Variants in TRPC3 observed in about 807,000 individuals in gnomAD.
The protein encoded by TRPC3 is transient receptor potential cation channel subfamily C member 3.
TRPC3 carries 54 observed loss-of-function variants against 90.9 expected under a neutral mutation model. The observed-to-expected ratio is 0.59, with a 90% CI of 0.48 to 0.75. TRPC3 has a LOEUF of 0.75. Among genes scored for constraint, TRPC3 ranks in the 30% least tolerant of loss-of-function variants. TRPC3 has a pLI of 0.00. For synonymous variants in TRPC3, 424 were observed against 450.9 expected (o/e 0.94, Z 0.75); for missense variants, 918 against 1,194.5 (o/e 0.77, Z 3.41).
chr4:121,936,400 G>A (rs965431139), intron 1 of TRPC3, among the ~76,000 whole-genome samples: 75 of 152,190 alleles, frequency 4.9e-4, no homozygotes, highest in African/African-American at 1.7e-3. Flanking sequence ...TCATCCAATG[G>A]GTCATTCAAC....
chr4:121,907,774 T>C (rs1057217787), intron 6 of TRPC3, among the ~76,000 whole-genome samples: 2 of 152,096 alleles, frequency 1.3e-5, no homozygotes, highest in Admixed American at 1.3e-4. Context: ...GAGGGTACAC[T>C]ATTATAAAGA....
chr4:121,940,138 A>G (rs1730258031), intron 1 of TRPC3, among the ~76,000 whole-genome samples: 1 of 152,154 alleles, frequency 6.6e-6, no homozygotes, highest in Admixed American at 6.5e-5. Context: ...TCAGAAAGCA[A>G]AAGCCCCTTC....
chr4:121,915,314 A>G (rs1729270746), intron 3 of TRPC3, among the ~76,000 whole-genome samples: 1 of 152,244 alleles, frequency 6.6e-6, no homozygotes, highest in South Asian at 2.1e-4. Flanking sequence ...CATTCAGTTC[A>G]AAATGGAAAA....
chr4:121,882,477 G>A, intron 10 of TRPC3, 48 bp from the exon 11 acceptor site: 2 of 1,548,766 alleles, frequency 1.3e-6, no homozygotes, highest in Non-Finnish European at 1.8e-6. Flanking sequence ...ATACATAAGT[G>A]CCCCAATCCT....
intron 10 of TRPC3, among the ~76,000 whole-genome samples, chr4:121,890,704 T>C (rs970284002): frequency 2.0e-5 from 3 of 152,228 alleles, no homozygotes; most frequent in African/African-American, 7.2e-5. Context: ...TGAAAGGCCA[T>C]AGTGTGGCCA....
At chr4:121,933,248 G>C in intron 1 of TRPC3, 1 of 1,094,482 alleles carries the variant, frequency 9.1e-7, no homozygotes. Context: ...CCAGAAGGAA[G>C]CCGGCAGCCC....
At chr4:121,938,020 A>T (rs1017588258) in intron 1 of TRPC3, among the ~76,000 whole-genome samples, 9 of 126,400 alleles carry the variant, frequency 7.1e-5, no homozygotes, top group East Asian at 6.0e-4. Flanking sequence ...GAATTTATTT[A>T]AAAAAAAAAA....
At chr4:121,936,930 A>G (rs1351909580) in intron 1 of TRPC3, among the ~76,000 whole-genome samples, 1 of 152,090 alleles carries the variant, frequency 6.6e-6, no homozygotes, top group Non-Finnish European at 1.5e-5. Context: ...AAGGCAAAAC[A>G]TTTTTTTCAT....
chr4:121,899,821 T>G, intron 9 of TRPC3, 126 bp from the exon 10 acceptor site: 1 of 730,422 alleles, frequency 1.4e-6, no homozygotes, highest in Middle Eastern at 3.7e-4. Flanking sequence ...TTGTGGAAGT[T>G]GAGCTTTGTA....
chr4:121,917,768 C>G (rs142240171), intron 3 of TRPC3, among the ~76,000 whole-genome samples: 1 of 152,318 alleles, frequency 6.6e-6, no homozygotes, highest in East Asian at 1.9e-4. Flanking sequence ...TGGCTGCAGC[C>G]AGGCTAAGCT....
chr4:121,906,039 G>A (rs997760399), intron 7 of TRPC3, among the ~76,000 whole-genome samples: 1 of 152,086 alleles, frequency 6.6e-6, no homozygotes, highest in Non-Finnish European at 1.5e-5. Flanking sequence ...GCATGTGTGG[G>A]AAGAGGGGGA....
chr4:121,895,408 T>TA (rs1002785128), intron 10 of TRPC3, among the ~76,000 whole-genome samples: 6 of 151,868 alleles, frequency 4.0e-5, no homozygotes, highest in African/African-American at 1.2e-4. Context: ...AAGTTTTTTT[T>TA]AAAAAGATAA....
At chr4:121,918,784 A>G (rs1393839136) in intron 3 of TRPC3, among the ~76,000 whole-genome samples, 1 of 152,242 alleles carries the variant, frequency 6.6e-6, no homozygotes, top group Non-Finnish European at 1.5e-5. Context: ...TCCTAATGCA[A>G]GTACACAAGG....
In TRPC3 at chr4:121,932,397, C is replaced by T; in HGVS notation, c.861G>A (p.Arg287=). The part of the protein sequence containing the change: ...RHDSFSHSRS[R]INAYKGLASP... ...TGGCCAGCCCCTTGTAGGCATTGAT[C>T]CTCGAGCGTGAGTGGCTGAAGGAGT... The change falls in exon 2 of 12, where the codon AGG becomes AGA. Residue 287 remains arginine (R), a synonymous_variant. Coordinates refer to ENST00000379645, the MANE Select transcript of TRPC3 (RefSeq NM_001130698.2). This position sits in a 1 kb window ranked among gnomAD's most constrained non-coding sequence, Gnocchi z 7.7. 1.9e-6 allele frequency: 3 copies of T among 1,614,166 alleles called. No individual in the cohort carries two copies. The highest frequency in any genetic ancestry group is 2.5e-6 in the Non-Finnish European group (3 of 1,180,038).
intron 9 of TRPC3, 31 bp from the exon 10 acceptor site, chr4:121,899,726 T>C: frequency 7.0e-7 from 1 of 1,438,098 alleles, no homozygotes; most frequent in South Asian, 1.2e-5. Context: ...CCTAGTAAAT[T>C]AGAATACATT....
At chr4:121,948,169 T>C (rs1730556321) in intron 1 of TRPC3, among the ~76,000 whole-genome samples, 1 of 84,400 alleles carries the variant, frequency 1.2e-5, no homozygotes, top group Non-Finnish European at 2.5e-5. Flanking sequence ...TCACTATTCC[T>C]TTAAAAAGAA....
At position 121,879,512 on chromosome 4, in the gene TRPC3, G is replaced by T. The variant is rs1727869735; in HGVS notation, c.*224C>A. On this transcript the variant is annotated 3_prime_UTR_variant, in exon 12 of 12. Coordinates refer to ENST00000379645, the MANE Select transcript of TRPC3 (RefSeq NM_001130698.2). ...AAGTTTCAATAATATAGTAATATTG[G>T]GCTTTTCAACACAATGGTATGCCAC... is the stretch of plus-strand genomic sequence containing the variant. 2.1e-6 allele frequency: 1 copy of T among 473,572 alleles called. No homozygotes were observed. The highest frequency in any genetic ancestry group is 2.9e-5 in the South Asian group (1 of 34,716). The allele number at this position is 473,572 out of a possible 1,614,324, so 29.3% of individuals were successfully genotyped here. A position where few individuals can be genotyped will look rare whatever the true frequency, so the allele number is the denominator to read the frequency against.
At chr4:121,919,439 A>C (rs1729427027) in intron 3 of TRPC3, among the ~76,000 whole-genome samples, 1 of 152,228 alleles carries the variant, frequency 6.6e-6, no homozygotes, top group Admixed American at 6.5e-5. Context: ...TGACTTGTGA[A>C]ATATAAACCT....
At position 121,907,598 on chromosome 4, in the gene TRPC3, G is replaced by T. The variant is rs201225851; in HGVS notation, c.1793-31C>A. ...AAAAAGAGAGAAAGAGATTAAAAAT[G>T]GAGCTTTCTATTCATTGCCAACTAC... On this transcript the variant is annotated intron_variant, in intron 6 of 11. Transcript: ENST00000379645. The T allele has an allele frequency of 4.8e-5, 75 of 1,578,360 alleles. No homozygotes were observed. The South Asian group carries it at 8.7e-4, about 18-fold the overall frequency.
Sources: gnomAD v4.1 joint callset for allele counts (sites outside exome capture counted in the v4.1 genomes callset) on GRCh38, gnomAD v4.1.1 for gene constraint, Gnocchi (gnomAD v3.1) non-coding constraint, MANE v1.5 for transcripts, NCBI Gene and HGNC (gene_info 2026-07-23, HGNC 2026-07-21) for gene names.